Variants in PRPF8 observed in about 807,000 individuals in gnomAD.
PRPF8 encodes pre-mRNA-processing-splicing factor 8.
PRPF8 carries 64 observed loss-of-function variants against 285.9 expected under a neutral mutation model. The ratio of observed to expected loss-of-function variants is 0.22; its 90% CI spans 0.18 to 0.28. The LOEUF (loss-of-function observed/expected upper bound fraction) is 0.28. Among genes scored for constraint, PRPF8 ranks in the 10% least tolerant of loss-of-function variants. The pLI is 1.00. For missense variants in PRPF8, 1,426 were observed against 3,026.7 expected (o/e 0.47, Z 12.41); for synonymous variants, 1,325 against 1,118.2 (o/e 1.18, Z -3.69).
rs1488112220 is a variant in PRPF8 at position 1,655,224 on chromosome 17, C to G, written c.5987+126G>C. 4 of 1,065,378 alleles carry G rather than the reference C, an allele frequency of 3.8e-6. No individual in the cohort carries two copies. The East Asian group carries it at 1.0e-4, about 28-fold the overall frequency. 66.0% of individuals were successfully genotyped at this position (1,065,378 alleles called of 1,614,324 possible). A position where few individuals can be genotyped will look rare whatever the true frequency, so the allele number is the denominator to read the frequency against. On this transcript the variant is annotated intron_variant, in intron 37 of 42. Transcript: ENST00000304992. ...CTACCCACCTTGGCCTCCCAAAGTG[C>G]TGGGATTACAGGCATGAGCCACCGC...
At position 1,675,466 on chromosome 17, in the gene PRPF8, G is replaced by GAA; in HGVS notation, c.2873-128_2873-127insTT. On this transcript the variant is annotated intron_variant, in intron 19 of 42. Coordinates refer to ENST00000304992, the MANE Select transcript of PRPF8 (RefSeq NM_006445.4). This position sits in a 1 kb window ranked among gnomAD's most constrained non-coding sequence, Gnocchi z 6.0. ...TCCACGTATTCATTTGGATTGCTTT[G>GAA]ACTATGGGCTTTTCCTCAGTTTAAC... 2 of 1,446,760 alleles carry GAA rather than the reference G, an allele frequency of 1.4e-6. No individual in the cohort carries two copies. The highest frequency in any genetic ancestry group is 1.9e-6 in the Non-Finnish European group (2 of 1,033,066). 89.6% of individuals were successfully genotyped at this position (1,446,760 alleles called of 1,614,324 possible).
At chr17:1,669,459 C>T (rs1202463435) in intron 24 of PRPF8, among the ~76,000 whole-genome samples, 2 of 152,170 alleles carry the variant, frequency 1.3e-5, no homozygotes, top group South Asian at 2.1e-4. Flanking sequence ...TTAATTAAAA[C>T]ACGCTCAAGT....
Position 1,681,836 on chromosome 17 carries a change from A to G in PRPF8, c.637T>C (p.Leu213=), listed in dbSNP as rs11559305. ...ATCACTCACTTCCTGCTGTCCCTCA[A>G]CGGCTGGTGGTCATAGAACCAGTCC... ...VLDWFYDHQP[L]RDSRKYVNGS... The change falls in exon 5 of 43, where the codon TTG becomes CTG. Residue 213 remains leucine (L), a synonymous_variant. Coordinates refer to ENST00000304992, the MANE Select transcript of PRPF8 (RefSeq NM_006445.4). 293,314 of 1,613,224 alleles carry G rather than the reference A, an allele frequency of 0.18. 32,618 individuals are homozygous for G. The highest frequency in any genetic ancestry group is 0.54 in the African/African-American group (40,043 of 74,722).
intron 36 of PRPF8, 96 bp downstream of exon 36, chr17:1,656,296 C>T: frequency 6.7e-7 from 1 of 1,487,384 alleles, no homozygotes; most frequent in Non-Finnish European, 9.4e-7. Context: ...AATCTATAGG[C>T]TAAAAATGTG....
In PRPF8 at chr17:1,651,887, CAG is replaced by C. The variant is rs973839300; in HGVS notation, c.6370-101_6370-100del. The C allele has an allele frequency of 4.1e-5, 60 of 1,470,408 alleles. No homozygotes were observed. Among genetic ancestry groups the C allele is most frequent in the Admixed American group, 2.2e-4 (13 of 59,686 alleles). 91.1% of individuals were successfully genotyped at this position (1,470,408 alleles called of 1,614,324 possible). A position where few individuals can be genotyped will look rare whatever the true frequency, so the allele number is the denominator to read the frequency against. On this transcript the variant is annotated intron_variant, in intron 39 of 42. Coordinates refer to ENST00000304992, the MANE Select transcript of PRPF8 (RefSeq NM_006445.4). The surrounding 1 kb of genome is among the most constrained non-coding windows in gnomAD (Gnocchi z 5.1). ...TCCTTCCTTCCCCCAAGAACGAGGA[CAG>C]AGTTTCTTAAAACGTGATCAGAACC...
intron 2 of PRPF8, 108 bp downstream of exon 2, chr17:1,684,364 G>A (rs909540542): frequency 1.4e-5 from 15 of 1,059,612 alleles, no homozygotes; most frequent in Non-Finnish European, 2.0e-5. Flanking sequence ...AATAACAAGG[G>A]AGCTGACACC....
chr17:1,679,678 G>A lies in PRPF8; in HGVS notation c.1220C>T (p.Ala407Val). ...AGAGCGTAGGTTGAAGGGCCGCGGGGCCCAGAGCAGGGCAATGCCATTGGC... is the reference window on the plus strand; with the variant it reads ...AGAGCGTAGGTTGAAGGGCCGCGGGACCCAGAGCAGGGCAATGCCATTGGC... The part of the protein sequence containing the change: ...NTANGIALLW[A>V]PRPFNLRSGR... The change falls in exon 9 of 43, where the codon GCC becomes GTC. Residue 407 changes from alanine (A) to valine (V), a missense_variant. Physicochemically the swap from Ala to Val is moderately conservative, Grantham distance 64 (BLOSUM62 0). Transcript: ENST00000304992. The surrounding 1 kb of genome is among the most constrained non-coding windows in gnomAD (Gnocchi z 4.7). 6.2e-7 allele frequency: 1 copy of A among 1,614,182 alleles called. No homozygotes were observed. The highest frequency in any genetic ancestry group is 8.5e-7 in the Non-Finnish European group (1 of 1,180,028).
Position 1,651,951 on chromosome 17 carries a change from T to C in PRPF8, c.6370-163A>G. ...AATCAGCTGGGGTGCTTGTTCAAAA[T>C]GTTAGACATGGACCTCATCGCGGAC... On this transcript the variant is annotated intron_variant, in intron 39 of 42. Coordinates refer to ENST00000304992, the MANE Select transcript of PRPF8 (RefSeq NM_006445.4). This position sits in a 1 kb window ranked among gnomAD's most constrained non-coding sequence, Gnocchi z 5.1. 1 of 892,698 alleles carries C rather than the reference T, an allele frequency of 1.1e-6. No homozygotes were observed. Among genetic ancestry groups the C allele is most frequent in the Admixed American group, 2.0e-5 (1 of 50,834 alleles). The allele number at this position is 892,698 out of a possible 1,614,324, so 55.3% of individuals were successfully genotyped here.
chr17:1,663,890 T>C (rs1400195216), intron 24 of PRPF8, among the ~76,000 whole-genome samples: 1 of 152,126 alleles, frequency 6.6e-6, no homozygotes, highest in Admixed American at 6.6e-5. Flanking sequence ...CATGGAATGT[T>C]ATCAGGAATA....
In PRPF8 at chr17:1,662,016, G is replaced by A. The variant is rs749484793; in HGVS notation, c.3912C>T (p.Asn1304=). Residue 1304 remains asparagine (N), a synonymous_variant, in exon 25 of 43, where the codon AAC becomes AAT. Coordinates refer to ENST00000304992, the MANE Select transcript of PRPF8 (RefSeq NM_006445.4). ...GGGGGAACCGACTTGGCATCTTGGA[G>A]TTGAGTCCAATCTTGATACGTGTCT... The part of the protein sequence containing the change: ...KIQTRIKIGL[N]SKMPSRFPPV... 11 of 1,613,972 alleles carry A rather than the reference G, an allele frequency of 6.8e-6. No individual in the cohort carries two copies.
At chr17:1,684,169 G>A (rs1913097707) in intron 2 of PRPF8, among the ~76,000 whole-genome samples, 1 of 152,132 alleles carries the variant, frequency 6.6e-6, no homozygotes, top group Non-Finnish European at 1.5e-5. Context: ...TTACAACCGT[G>A]AGCCACCGCG....
intron 3 of PRPF8, 84 bp from the exon 4 acceptor site, chr17:1,682,377 G>A: frequency 2.0e-6 from 3 of 1,516,628 alleles, no homozygotes; most frequent in Non-Finnish European, 2.7e-6. Context: ...ACATGTTCAT[G>A]TTCCACAGTC....
chr17:1,679,902 T>C lies in PRPF8; in HGVS notation c.1099-103A>G. The C allele has an allele frequency of 5.1e-6, 7 of 1,373,434 alleles. No individual in the cohort carries two copies. Among genetic ancestry groups the C allele is most frequent in the Non-Finnish European group, 7.3e-6 (7 of 962,154 alleles). 85.1% of individuals were successfully genotyped at this position (1,373,434 alleles called of 1,614,324 possible). A position where few individuals can be genotyped will look rare whatever the true frequency, so the allele number is the denominator to read the frequency against. Reference sequence around the variant, plus strand: ...CCAAGCACAAAGCCTGTATCTGCTATGGAAACTGGGCTGTCTGACAAAAGC... The same window carrying C: ...CCAAGCACAAAGCCTGTATCTGCTACGGAAACTGGGCTGTCTGACAAAAGC... On this transcript the variant is annotated intron_variant, in intron 8 of 42. Transcript: ENST00000304992. The surrounding 1 kb of genome is among the most constrained non-coding windows in gnomAD (Gnocchi z 4.7).
chr17:1,674,023 A>G, intron 21 of PRPF8, 131 bp from the exon 22 acceptor site: 1 of 992,498 alleles, frequency 1.0e-6, no homozygotes, highest in Non-Finnish European at 1.5e-6. Context: ...ATTCCATTTT[A>G]TTTTTATTTA....
In PRPF8 at chr17:1,676,884, T is replaced by C; in HGVS notation, c.2181+92A>G. On this transcript the variant is annotated intron_variant, in intron 15 of 42. Coordinates refer to ENST00000304992, the MANE Select transcript of PRPF8 (RefSeq NM_006445.4). This position sits in a 1 kb window ranked among gnomAD's most constrained non-coding sequence, Gnocchi z 6.3. ...GTCTAAAAGGGAAAAGAAAAGAGAT[T>C]GGAGCCAGATAGCCCCCTAATGATT... The C allele has an allele frequency of 6.6e-7, 1 of 1,526,230 alleles. No individual in the cohort carries two copies. The allele number at this position is 1,526,230 out of a possible 1,614,324, so 94.5% of individuals were successfully genotyped here.
Position 1,658,724 on chromosome 17 carries a change from T to C in PRPF8, c.5178A>G (p.Ile1726Met). The C allele has an allele frequency of 6.2e-7, 1 of 1,614,230 alleles. No individual in the cohort carries two copies. Among genetic ancestry groups the C allele is most frequent in the Non-Finnish European group, 8.5e-7 (1 of 1,180,046 alleles). Residue 1726 changes from isoleucine (I) to methionine (M), a missense_variant, in exon 33 of 43, where the codon ATA becomes ATG. This residue lies in a region of PRPF8 where 74 missense variants were observed against 161.8 expected (regional missense o/e 0.46). Transcript: ENST00000304992. The surrounding 1 kb of genome is among the most constrained non-coding windows in gnomAD (Gnocchi z 4.1). ...GNWFPGSKPL[I>M]QQAMAKIMKA... Reference sequence around the variant, plus strand: ...TCATGATCTTGGCCATGGCCTGTTGTATGAGAGGCTTGCTGCCTGGGAACC... The same window carrying C: ...TCATGATCTTGGCCATGGCCTGTTGCATGAGAGGCTTGCTGCCTGGGAACC...
In PRPF8 at chr17:1,653,109, T is replaced by C; in HGVS notation, c.6369+433A>G. ...GCATGCCACCATGCCTGGCTAATTT[T>C]TTGTATTTTTAGTAGAGACAGGGTT... On this transcript the variant is annotated intron_variant, in intron 39 of 42. Coordinates refer to ENST00000304992, the MANE Select transcript of PRPF8 (RefSeq NM_006445.4). The surrounding 1 kb of genome is among the most constrained non-coding windows in gnomAD (Gnocchi z 4.9). The C allele has an allele frequency of 3.4e-6, 1 of 290,720 alleles. No individual in the cohort carries two copies. Among genetic ancestry groups the C allele is most frequent in the Non-Finnish European group, 6.8e-6 (1 of 148,056 alleles). The allele number at this position is 290,720 out of a possible 1,614,324, so 18.0% of individuals were successfully genotyped here. A position where few individuals can be genotyped will look rare whatever the true frequency, so the allele number is the denominator to read the frequency against.
intron 24 of PRPF8, among the ~76,000 whole-genome samples, chr17:1,662,830 C>CAA (rs541846587): frequency 2.5e-5 from 2 of 81,128 alleles, no homozygotes; most frequent in Non-Finnish European, 6.0e-5. Context: ...GACTGTGTCT[C>CAA]AAAAAAAAAA....
At position 1,655,422 on chromosome 17, in the gene PRPF8, G is replaced by T. The variant is rs1167214600; in HGVS notation, c.5915C>A (p.Thr1972Asn). 20 of 1,614,090 alleles carry T rather than the reference G, an allele frequency of 1.2e-5. No homozygotes were observed. Among genetic ancestry groups the T allele is most frequent in the Non-Finnish European group, 1.7e-5 (20 of 1,180,036 alleles). ...CTCGACCTTGATCCATTCTTCGTCA[G>T]TCAGAGTGGGCCAGATGTGGTGTGG... Reference protein sequence around the residue: ...TEPHHIWPTLTDEEWIKVEVQ... With the variant: ...TEPHHIWPTLNDEEWIKVEVQ... Residue 1972 changes from threonine to asparagine, a missense_variant, in exon 37 of 43, where the codon ACT becomes AAT. Thr to Asn is a moderately conservative substitution (Grantham distance 65). Coordinates refer to ENST00000304992, the MANE Select transcript of PRPF8 (RefSeq NM_006445.4).
Sources: gnomAD v4.1 joint callset for allele counts (sites outside exome capture counted in the v4.1 genomes callset) on GRCh38, gnomAD v4.1.1 for gene constraint, gnomAD v4.1.1 regional missense constraint, Gnocchi (gnomAD v3.1) non-coding constraint, MANE v1.5 for transcripts, NCBI Gene and HGNC (gene_info 2026-07-23, HGNC 2026-07-21) for gene names.